SLIT3: variants seen among roughly 807,000 people sequenced by gnomAD.
SLIT3 encodes slit guidance ligand 3, also known as slit homolog 3 protein.
Under a neutral mutation model 184.0 loss-of-function variants are expected in SLIT3, and 68 were observed. The observed-to-expected ratio is 0.37, with a 90% confidence interval of 0.30 to 0.45. The LOEUF (loss-of-function observed/expected upper bound fraction) is 0.45. SLIT3 is among the 20% of genes least tolerant of loss of function. SLIT3 has a pLI of 1.00. For synonymous variants in SLIT3, 831 were observed against 828.6 expected, an observed-to-expected ratio of 1.00 and a Z score of -0.05; for missense variants, 1,707 against 2,026.0, an observed-to-expected ratio of 0.84 and a Z score of 3.02.
At chr5:169,041,499 T>C (rs1309509500) in intron 4 of SLIT3, among the ~76,000 whole-genome samples, 1 of 152,060 alleles carries the variant, frequency 6.6e-6, no homozygotes, top group Non-Finnish European at 1.5e-5. Flanking sequence ...CATTCAGAGT[T>C]TTTCCTCTTG....
intron 32 of SLIT3, among the ~76,000 whole-genome samples, chr5:168,678,025 C>A (rs1761466841): frequency 6.6e-6 from 1 of 152,108 alleles, no homozygotes; most frequent in Non-Finnish European, 1.5e-5. Flanking sequence ...TCTTGTGAGT[C>A]CCATTTTAGG....
chr5:169,100,270 G>A lies in SLIT3; in HGVS notation c.413+93209C>T, dbSNP rs751346449. The stretch of plus-strand genomic sequence containing the variant: ...CAGTGGTAAACAGCATGAGTCAGAC[G>A]GGAAGGAGAGGACAGCAAAAAGCCC... On this transcript the variant is annotated intron_variant, in intron 4 of 35. Coordinates refer to ENST00000519560, the MANE Select transcript of SLIT3 (RefSeq NM_003062.4). Among the ~76,000 whole-genome samples, 7 of 152,084 alleles carry A rather than the reference G, an allele frequency of 4.6e-5. No individual in the cohort carries two copies. In the South Asian group the frequency reaches 6.2e-4, roughly 14 times the overall value.
intron 4 of SLIT3, among the ~76,000 whole-genome samples, chr5:168,942,426 A>G (rs1203809125): frequency 6.6e-6 from 1 of 152,238 alleles, no homozygotes; most frequent in East Asian, 1.9e-4. Flanking sequence ...CTTCAACAGT[A>G]GATATTGTCT....
At chr5:168,817,271 G>A in intron 8 of SLIT3, 29 bp downstream of exon 8, 1 of 1,610,858 alleles carries the variant, frequency 6.2e-7, no homozygotes, top group East Asian at 2.2e-5. Context: ...TCATAGCACA[G>A]GAGGGGAGAG....
At chr5:168,815,968 A>C (rs1261420990) in intron 8 of SLIT3, among the ~76,000 whole-genome samples, 2 of 152,228 alleles carry the variant, frequency 1.3e-5, no homozygotes, top group Non-Finnish European at 1.5e-5. Context: ...TTTAGAGGCC[A>C]CTGGGCCCCA....
chr5:168,884,421 T>TCACACA (rs1453363015), intron 4 of SLIT3, among the ~76,000 whole-genome samples: 76 of 52,216 alleles, frequency 1.5e-3, no homozygotes, highest in African/African-American at 2.7e-3. Context: ...TCTCTCTCTC[T>TCACACA]CTCTCTCACA....
At chr5:168,884,766 A>G (rs1760128698) in intron 4 of SLIT3, among the ~76,000 whole-genome samples, 1 of 151,394 alleles carries the variant, frequency 6.6e-6, no homozygotes, top group South Asian at 2.1e-4. Flanking sequence ...GCATTTATTT[A>G]TTTGCTATTT....
chr5:169,107,610 C>T (rs981265205), intron 4 of SLIT3, among the ~76,000 whole-genome samples: 3 of 152,224 alleles, frequency 2.0e-5, no homozygotes, highest in Non-Finnish European at 4.4e-5. Context: ...TGGGAGGCCC[C>T]GGCCATGCTG....
intron 29 of SLIT3, among the ~76,000 whole-genome samples, chr5:168,689,744 G>A (rs1401029348): frequency 2.0e-5 from 3 of 152,168 alleles, no homozygotes; most frequent in Non-Finnish European, 2.9e-5. Context: ...TTGGACAAAC[G>A]TCACCCTGAC....
chr5:168,932,361 CACACACA>C (rs1433595737), intron 4 of SLIT3, among the ~76,000 whole-genome samples: 50 of 149,282 alleles, frequency 3.3e-4, no homozygotes, highest in African/African-American at 1.1e-3. Context: ...CACACACACA[CACACACA>C]CACACACACA....
chr5:169,232,843 G>A (rs1364341934), intron 3 of SLIT3, among the ~76,000 whole-genome samples: 1 of 152,134 alleles, frequency 6.6e-6, no homozygotes, highest in African/African-American at 2.4e-5. Context: ...GGACTGCCCT[G>A]AATCCATCCA....
intron 4 of SLIT3, among the ~76,000 whole-genome samples, chr5:169,038,392 A>T (rs867086095): frequency 6.6e-6 from 1 of 152,264 alleles, no homozygotes; most frequent in South Asian, 2.1e-4. Flanking sequence ...TTCACACCAA[A>T]TACTGGTATA....
chr5:169,064,825 C>T lies in SLIT3; in HGVS notation c.413+128654G>A, dbSNP rs947204964. 4.6e-5 allele frequency among the ~76,000 whole-genome samples: 7 copies of T among 152,162 alleles called. No homozygotes were observed. The East Asian group carries it at 5.8e-4, about 13-fold the overall frequency. Reference sequence around the variant, plus strand: ...GAATATTTCATATAGACTCCCAGAACGTTACACCTATGAGGGACCAAAGAG... The same window carrying T: ...GAATATTTCATATAGACTCCCAGAATGTTACACCTATGAGGGACCAAAGAG... On this transcript the variant is annotated intron_variant, in intron 4 of 35. Coordinates refer to ENST00000519560, the MANE Select transcript of SLIT3 (RefSeq NM_003062.4).
intron 3 of SLIT3, among the ~76,000 whole-genome samples, chr5:169,235,383 G>C (rs1031733426): frequency 3.9e-5 from 6 of 152,136 alleles, no homozygotes; most frequent in Non-Finnish European, 8.8e-5. Flanking sequence ...GGTTTCATGG[G>C]TCAGCATAAA....
At chr5:168,669,578 G>A (rs1440291602) in intron 35 of SLIT3, among the ~76,000 whole-genome samples, 5 of 152,308 alleles carry the variant, frequency 3.3e-5, no homozygotes, top group African/African-American at 9.6e-5. Context: ...TTGGGGCTAA[G>A]TTGTTATGCA....
chr5:169,168,232 G>A (rs553592307), intron 4 of SLIT3, among the ~76,000 whole-genome samples: 1 of 152,268 alleles, frequency 6.6e-6, no homozygotes, highest in Non-Finnish European at 1.5e-5. Context: ...CAGAAAGTAG[G>A]CTATGCATCT....
intron 4 of SLIT3, among the ~76,000 whole-genome samples, chr5:168,972,803 A>T (rs545596994): frequency 1.3e-5 from 2 of 152,218 alleles, no homozygotes; most frequent in South Asian, 4.1e-4. Context: ...GAAGCATGTA[A>T]CATTTCATCC....
chr5:169,184,359 T>C (rs1182927718), intron 4 of SLIT3, among the ~76,000 whole-genome samples: 1 of 152,238 alleles, frequency 6.6e-6, no homozygotes, highest in Non-Finnish European at 1.5e-5. Flanking sequence ...GGTTCATTTC[T>C]GGTGAGTGAG....
chr5:168,783,200 C>G (rs1756033504), intron 12 of SLIT3, among the ~76,000 whole-genome samples: 1 of 152,014 alleles, frequency 6.6e-6, no homozygotes, highest in Admixed American at 6.6e-5. Flanking sequence ...TTGTGAGGCT[C>G]CAGGGGACCA....
Sources: gnomAD v4.1 joint callset for allele counts (sites outside exome capture counted in the v4.1 genomes callset) on GRCh38, gnomAD v4.1.1 for gene constraint, MANE v1.5 for transcripts, NCBI Gene and HGNC (gene_info 2026-07-23, HGNC 2026-07-21) for gene names.